TBC1D14: variants seen among roughly 807,000 people sequenced by gnomAD.
TBC1D14 encodes TBC1 domain family, member 14.
Under a neutral mutation model 79.0 loss-of-function variants are expected in TBC1D14, and 26 were observed. That is an observed-to-expected ratio of 0.33 (90% CI 0.24 to 0.46). The LOEUF (loss-of-function observed/expected upper bound fraction) is 0.46. Among genes scored for constraint, TBC1D14 ranks in the 20% least tolerant of loss-of-function variants. The pLI is 1.00. For synonymous variants in TBC1D14, 394 were observed against 349.9 expected, an observed-to-expected ratio of 1.13 and a Z score of -1.40; for missense variants, 769 against 887.6, an observed-to-expected ratio of 0.87 and a Z score of 1.70.
chr4:6,997,713 C>T (rs921315570), intron 5 of TBC1D14, among the ~76,000 whole-genome samples: 3 of 152,202 alleles, frequency 2.0e-5, no homozygotes, highest in African/African-American at 7.2e-5. Flanking sequence ...AATTCTGGCA[C>T]ATGTGGCCAC....
chr4:6,983,598 T>C (rs1717571838), intron 3 of TBC1D14, among the ~76,000 whole-genome samples: 1 of 152,196 alleles, frequency 6.6e-6, no homozygotes, highest in South Asian at 2.1e-4. Context: ...GATTATCCCA[T>C]AAAATGTCTA....
At chr4:6,948,095 A>C (rs1283822009) in intron 2 of TBC1D14, among the ~76,000 whole-genome samples, 1 of 152,100 alleles carries the variant, frequency 6.6e-6, no homozygotes, top group Non-Finnish European at 1.5e-5. Flanking sequence ...TGCACGGGAG[A>C]GTGGTTTGAG....
chr4:6,962,025 C>G (rs997113491), intron 2 of TBC1D14, among the ~76,000 whole-genome samples: 3 of 152,172 alleles, frequency 2.0e-5, no homozygotes, highest in African/African-American at 7.2e-5. Context: ...CAAGGCTGAT[C>G]GATGGGGCTT....
chr4:6,992,907 TA>T (rs1390805464), intron 3 of TBC1D14, among the ~76,000 whole-genome samples: 2 of 152,212 alleles, frequency 1.3e-5, no homozygotes, highest in African/African-American at 4.8e-5. Context: ...TAAACAGTGT[TA>T]AGACATGTGA....
chr4:7,025,625 T>C (rs916415247), intron 13 of TBC1D14, among the ~76,000 whole-genome samples: 3 of 152,248 alleles, frequency 2.0e-5, no homozygotes, highest in Admixed American at 1.3e-4. Flanking sequence ...GAAAGCAAAG[T>C]GGACCCACTT....
chr4:7,004,859 G>A lies in TBC1D14; in HGVS notation c.1286G>A (p.Cys429Tyr). Residue 429 changes from cysteine to tyrosine, a missense_variant, in exon 8 of 14, where the codon TGT becomes TAT. By Grantham distance (194) the Cys-to-Tyr change is radical. Coordinates refer to ENST00000409757, the MANE Select transcript of TBC1D14 (RefSeq NM_020773.3). ...TTTCTTCCAGAGCTCTTTGACATCTGTCTTGCCCGAGCCAAGGAGAGGTGG... is the reference window on the plus strand; with the variant it reads ...TTTCTTCCAGAGCTCTTTGACATCTATCTTGCCCGAGCCAAGGAGAGGTGG... ...LNITHELFDI[C>Y]LARAKERWRS... 1 of 1,614,104 alleles carries A rather than the reference G, an allele frequency of 6.2e-7. No homozygotes were observed. Among genetic ancestry groups the A allele is most frequent in the Non-Finnish European group, 8.5e-7 (1 of 1,179,998 alleles).
intron 3 of TBC1D14, among the ~76,000 whole-genome samples, chr4:6,985,307 C>T (rs906328807): frequency 6.6e-6 from 1 of 152,156 alleles, no homozygotes; most frequent in African/African-American, 2.4e-5. Flanking sequence ...CTTTTTGAAC[C>T]AGGATCCAGT....
At chr4:7,006,493 C>A in intron 8 of TBC1D14, 139 bp from the exon 9 acceptor site, 1 of 606,042 alleles carries the variant, frequency 1.7e-6, no homozygotes. Context: ...AAGCTGCACT[C>A]TGAGTCAAGA....
chr4:6,997,440 A>G (rs1719174696), intron 5 of TBC1D14: 1 of 152,248 alleles, frequency 6.6e-6, no homozygotes, highest in African/African-American at 2.4e-5. Flanking sequence ...CAGCCTGACC[A>G]ACATGGAGAA....
intron 2 of TBC1D14, among the ~76,000 whole-genome samples, chr4:6,925,335 C>T (rs181721520): frequency 1.4e-3 from 219 of 152,214 alleles, no homozygotes; most frequent in Non-Finnish European, 2.4e-3. Flanking sequence ...GCTCTGGGGC[C>T]GGGGCTTGGC....
At chr4:6,938,646 C>G (rs1712577766) in intron 2 of TBC1D14, among the ~76,000 whole-genome samples, 1 of 152,190 alleles carries the variant, frequency 6.6e-6, no homozygotes, top group Non-Finnish European at 1.5e-5. Flanking sequence ...ATCCACATCC[C>G]TAGATCATTT....
At chr4:7,027,833 C>G (rs1722601679) in intron 13 of TBC1D14, among the ~76,000 whole-genome samples, 1 of 148,434 alleles carries the variant, frequency 6.7e-6, no homozygotes, top group Non-Finnish European at 1.5e-5. Context: ...ACAGTCACCC[C>G]ACACAGGCAT....
At chr4:7,021,609 A>C (rs1190488490) in intron 12 of TBC1D14, among the ~76,000 whole-genome samples, 1 of 152,222 alleles carries the variant, frequency 6.6e-6, no homozygotes, top group Non-Finnish European at 1.5e-5. Flanking sequence ...CAAAAAGAAA[A>C]GAGAAGAATT....
intron 6 of TBC1D14, 21 bp from the exon 7 acceptor site, chr4:7,001,124 C>T: frequency 6.2e-7 from 1 of 1,609,100 alleles, no homozygotes; most frequent in Non-Finnish European, 8.5e-7. Flanking sequence ...AACTCAAACT[C>T]CTGCTTCTGT....
At chr4:6,912,864 A>G (rs1219456340) in intron 1 of TBC1D14, among the ~76,000 whole-genome samples, 1 of 152,218 alleles carries the variant, frequency 6.6e-6, no homozygotes, top group Non-Finnish European at 1.5e-5. Context: ...GGAAGTTAAG[A>G]AATGAGTCCA....
chr4:6,943,080 C>T (rs1057464009), intron 2 of TBC1D14, among the ~76,000 whole-genome samples: 1 of 152,194 alleles, frequency 6.6e-6, no homozygotes, highest in Admixed American at 6.5e-5. Flanking sequence ...GTGGCCCCAT[C>T]GTTTTCAGCA....
intron 1 of TBC1D14, chr4:6,910,189 G>A (rs1577441359): frequency 6.6e-6 from 1 of 151,646 alleles, no homozygotes; most frequent in Admixed American, 6.6e-5. Flanking sequence ...GGCGACTCTC[G>A]GGACTCGGCG....
intron 2 of TBC1D14, among the ~76,000 whole-genome samples, chr4:6,928,124 C>T (rs549833050): frequency 3.3e-5 from 5 of 152,316 alleles, no homozygotes; most frequent in South Asian, 2.1e-4. Context: ...AGCCCCTTTA[C>T]GGATCTCTCA....
At chr4:6,999,747 C>A (rs566190931) in intron 6 of TBC1D14, among the ~76,000 whole-genome samples, 1 of 152,274 alleles carries the variant, frequency 6.6e-6, no homozygotes, top group South Asian at 2.1e-4. Context: ...GACTTTGCTG[C>A]CCCTACCCTG....
Sources: allele counts gnomAD v4.1 joint callset (sites outside exome capture counted in the v4.1 genomes callset), GRCh38; gene constraint gnomAD v4.1.1; transcripts MANE v1.5; gene names NCBI Gene and HGNC (gene_info 2026-07-23, HGNC 2026-07-21).